The following RSAD1 variants were observed in gnomAD, a reference collection of about 807,000 sequenced individuals.
RSAD1 encodes radical S-adenosyl methionine domain-containing protein 1, mitochondrial.
In RSAD1, 34 loss-of-function variants were observed where a neutral mutation model predicts 46.2. The observed-to-expected ratio is 0.74, with a 90% confidence interval of 0.56 to 0.98. The LOEUF is 0.98. RSAD1 is among the 50% of genes least tolerant of loss of function. The pLI is 0.00. For synonymous variants in RSAD1, 260 were observed against 253.5 expected, an observed-to-expected ratio of 1.03 and a Z score of -0.24; for missense variants, 635 against 592.3, an observed-to-expected ratio of 1.07 and a Z score of -0.75.
chr17:50,482,014 C>G (rs182310280), intron 3 of RSAD1, 77 bp from the exon 4 acceptor site: 3 of 1,458,538 alleles, frequency 2.1e-6, no homozygotes, highest in East Asian at 2.5e-5. Flanking sequence ...CTCCCTGTAT[C>G]TGTGTCTACA....
chr17:50,479,150 G>T, intron 1 of RSAD1, 131 bp downstream of exon 1: 1 of 987,764 alleles, frequency 1.0e-6, no homozygotes. Context: ...CCCCGTACGA[G>T]GTCTGGGATG....
chr17:50,482,757 C>T (rs1380788376), intron 5 of RSAD1, 51 bp downstream of exon 5: 2 of 1,563,178 alleles, frequency 1.3e-6, no homozygotes, highest in East Asian at 2.2e-5. Context: ...AATGTCGTGG[C>T]TGTGTGAACT....
At position 50,483,328 on chromosome 17, in the gene RSAD1, T is replaced by G. The variant is rs994207156; in HGVS notation, c.905-12T>G. On this transcript the variant is annotated splice_polypyrimidine_tract_variant and intron_variant, in intron 5 of 8. Transcript: ENST00000258955. ...CAGCCATTAATGTGGGGATGGTTGTTGATGTTGTCAGGGGCCCATGGACGA... is the reference window on the plus strand; with the variant it reads ...CAGCCATTAATGTGGGGATGGTTGTGGATGTTGTCAGGGGCCCATGGACGA... The G allele has an allele frequency of 1.2e-5, 20 of 1,612,446 alleles. No homozygotes were observed. The Admixed American group carries it at 2.3e-4, about 19-fold the overall frequency.
At chr17:50,480,398 C>T in intron 3 of RSAD1, 2 of 374,912 alleles carry the variant, frequency 5.3e-6, no homozygotes, top group South Asian at 2.5e-5. Flanking sequence ...ATTATTGCAG[C>T]ATGGTAAATG....
rs1259569189 is a variant in RSAD1, at chr17:50,484,774, T to A, written c.1242T>A (p.Ala414=). ...TTCGGTGTTCCTGGGAGGGTCTGGCTGTGCTGGACTCTCTCTTGCTGACCC... is the reference window on the plus strand; with the variant it reads ...TTCGGTGTTCCTGGGAGGGTCTGGCAGTGCTGGACTCTCTCTTGCTGACCC... ...RGLRCSWEGL[A]VLDSLLLTLL... The change falls in exon 9 of 9, where the codon GCT becomes GCA. Residue 414 remains alanine (A), a synonymous_variant. Transcript: ENST00000258955. 6.2e-7 allele frequency: 1 copy of A among 1,613,932 alleles called. No homozygotes were observed. The highest frequency in any genetic ancestry group is 8.5e-7 in the Non-Finnish European group (1 of 1,179,964).
chr17:50,482,417 T>C lies in RSAD1; in HGVS notation c.801T>C (p.Ala267=). The change falls in exon 4 of 9, where the codon GCT becomes GCC. Residue 267 remains alanine, a synonymous_variant. Coordinates refer to ENST00000258955, the MANE Select transcript of RSAD1 (RefSeq NM_018346.3). ...YQRGRAVLRE[A]GFHQYEVSNF... ...GGGGCCGGGCTGTCCTTCGGGAGGC[T>C]GGCTTCCACCAGTATGAGGTCTCCA... is the stretch of plus-strand genomic sequence containing the variant. 6.3e-7 allele frequency: 1 copy of C among 1,588,128 alleles called. No homozygotes were observed. Among genetic ancestry groups the C allele is most frequent in the Non-Finnish European group, 8.6e-7 (1 of 1,169,348 alleles).
chr17:50,479,493 T>G, intron 1 of RSAD1, 136 bp from the exon 2 acceptor site: 1 of 1,063,024 alleles, frequency 9.4e-7, no homozygotes, highest in Non-Finnish European at 1.3e-6. Context: ...CCTTGGGGAG[T>G]TGTGTGGCTT....
intron 5 of RSAD1, 78 bp from the exon 6 acceptor site, chr17:50,483,262 A>G (rs1311140097): frequency 6.9e-7 from 1 of 1,450,944 alleles, no homozygotes; most frequent in African/African-American, 1.4e-5. Context: ...CAGTTGCTCC[A>G]GGGACCACAT....
chr17:50,483,795 C>A, intron 7 of RSAD1, 35 bp downstream of exon 7: 1 of 1,582,918 alleles, frequency 6.3e-7, no homozygotes, highest in Non-Finnish European at 8.6e-7. Flanking sequence ...CCACTCCCTC[C>A]TAAAGTCTTG....
chr17:50,482,489 G>A, intron 4 of RSAD1, 33 bp downstream of exon 4: 1 of 1,602,458 alleles, frequency 6.2e-7, no homozygotes, highest in Admixed American at 1.7e-5. Flanking sequence ...GGAGGTGGAG[G>A]ATGGGCAGAC....
At chr17:50,480,202 C>T (rs1256423529) in intron 3 of RSAD1, 118 bp downstream of exon 3, 1 of 1,003,300 alleles carries the variant, frequency 1.0e-6, no homozygotes, top group African/African-American at 1.6e-5. Flanking sequence ...GCCAGGGACA[C>T]AGTAGGGCCT....
intron 5 of RSAD1, among the ~76,000 whole-genome samples, 160 bp from the exon 6 acceptor site, chr17:50,483,172 CAAAAAAAA>C (rs71353643): frequency 1.5e-5 from 1 of 68,478 alleles, no homozygotes; most frequent in Non-Finnish European, 2.6e-5. Context: ...GACACCACCT[CAAAAAAAA>C]AAAAAAAAAA....
chr17:50,482,705 T>A lies in RSAD1; in HGVS notation c.903T>A (p.Pro301=). The change falls in exon 5 of 9, where the codon CCT becomes CCA. Residue 301 remains proline, a splice_region_variant and synonymous_variant. Coordinates refer to ENST00000258955, the MANE Select transcript of RSAD1 (RefSeq NM_018346.3). ...GTGGTCAGTACCTTGGCGTTGGGCC[T>A]GGTGAGTCCCGTGAACTACAGAAAG... ...WQCGQYLGVG[P]GAHGRFMPQG... The A allele has an allele frequency of 6.2e-7, 1 of 1,613,932 alleles. No individual in the cohort carries two copies. The highest frequency in any genetic ancestry group is 8.5e-7 in the Non-Finnish European group (1 of 1,179,908).
intron 1 of RSAD1, chr17:50,479,307 G>A: frequency 2.0e-6 from 1 of 496,838 alleles, no homozygotes; most frequent in Non-Finnish European, 3.5e-6. Context: ...GCAGTGTTCT[G>A]ACTCGGTAGC....
At position 50,483,354 on chromosome 17, in the gene RSAD1, T is replaced by C; in HGVS notation, c.919T>C (p.Phe307Leu). Reference protein sequence around the residue: ...LGVGPGAHGRFMPQGAGGHTR... With the variant: ...LGVGPGAHGRLMPQGAGGHTR... ...GATGTTGTCAGGGGCCCATGGACGATTTATGCCCCAGGGGGCTGGAGGCCA... is the reference window on the plus strand; with the variant it reads ...GATGTTGTCAGGGGCCCATGGACGACTTATGCCCCAGGGGGCTGGAGGCCA... Residue 307 changes from phenylalanine (F) to leucine (L), a missense_variant, in exon 6 of 9, where the codon TTT becomes CTT. Transcript: ENST00000258955. 6.2e-7 allele frequency: 1 copy of C among 1,613,960 alleles called. No individual in the cohort carries two copies. Among genetic ancestry groups the C allele is most frequent in the African/African-American group, 1.3e-5 (1 of 75,004 alleles).
At position 50,479,913 on chromosome 17, in the gene RSAD1, C is replaced by T; in HGVS notation, c.303C>T (p.Pro101=). ...CTGTGTTCTTTGGTGGGGGGACCCC[C>T]AGTCTAGCCAGTCCCCACACGGTGG... ...VESVFFGGGT[P]SLASPHTVAA... Residue 101 remains proline (P), a synonymous_variant, in exon 3 of 9, where the codon CCC becomes CCT. Coordinates refer to ENST00000258955, the MANE Select transcript of RSAD1 (RefSeq NM_018346.3). 5.6e-6 allele frequency: 9 copies of T among 1,613,938 alleles called. No homozygotes were observed. Among genetic ancestry groups the T allele is most frequent in the Non-Finnish European group, 7.6e-6 (9 of 1,179,848 alleles).
chr17:50,479,787 C>T, intron 2 of RSAD1, 25 bp downstream of exon 2: 2 of 1,592,882 alleles, frequency 1.3e-6, no homozygotes, highest in Non-Finnish European at 1.7e-6. Context: ...CTGTAGGCAG[C>T]GTTTTGGGAA....
In RSAD1 at chr17:50,483,715, A is replaced by G; in HGVS notation, c.1062A>G (p.Glu354=). 1 of 1,613,064 alleles carries G rather than the reference A, an allele frequency of 6.2e-7. No homozygotes were observed. Among genetic ancestry groups the G allele is most frequent in the Admixed American group, 1.7e-5 (1 of 59,624 alleles). The change falls in exon 7 of 9, where the codon GAA becomes GAG. Residue 354 remains glutamate, a synonymous_variant. Transcript: ENST00000258955. ...GTGATTTTTCTTTGAGGCTGGAGGA[A>G]GTTTTGGCCCTGGGGCTACGCACCG... ...VPLGRLELLE[E]VLALGLRTDV...
Position 50,479,939 on chromosome 17 carries a change from C to G in RSAD1, c.329C>G (p.Ala110Gly), listed in dbSNP as rs1243806681. Residue 110 changes from alanine to glycine, a missense_variant, in exon 3 of 9, where the codon GCT becomes GGT. Ala to Gly is a moderately conservative substitution (Grantham distance 60, BLOSUM62 0). Transcript: ENST00000258955. ...TPSLASPHTV[A>G]AVLEAVAQAA... The stretch of plus-strand genomic sequence containing the variant: ...AGTCTAGCCAGTCCCCACACGGTGG[C>G]TGCTGTCCTGGAGGCTGTGGCACAG... The G allele has an allele frequency of 2.5e-6, 4 of 1,614,188 alleles. No individual in the cohort carries two copies. Among genetic ancestry groups the G allele is most frequent in the Non-Finnish European group, 8.5e-7 (1 of 1,180,034 alleles).
Sources: allele counts gnomAD v4.1 joint callset (sites outside exome capture counted in the v4.1 genomes callset), GRCh38; gene constraint gnomAD v4.1.1; transcripts MANE v1.5; gene names NCBI Gene and HGNC (gene_info 2026-07-23, HGNC 2026-07-21).